ZNF366: variants seen among roughly 807,000 people sequenced by gnomAD.
ZNF366 encodes zinc finger protein 366.
Under a neutral mutation model 47.2 loss-of-function variants are expected in ZNF366, and 20 were observed. The ratio of observed to expected loss-of-function variants is 0.42; its 90% CI spans 0.30 to 0.62. The LOEUF is 0.62. ZNF366 is among the 20% of genes least tolerant of loss of function. The probability of loss-of-function intolerance (pLI) is 0.16; values close to 1 mark genes in which losing one functional copy is unlikely to be tolerated. For missense variants in ZNF366, 987 were observed against 976.3 expected (o/e 1.01, Z -0.15); for synonymous variants, 421 against 395.1 (o/e 1.07, Z -0.78).
chr5:72,456,248 G>A (rs927743806), intron 3 of ZNF366, among the ~76,000 whole-genome samples, 156 bp downstream of exon 3: 3 of 152,212 alleles, frequency 2.0e-5, no homozygotes, highest in African/African-American at 7.2e-5. Flanking sequence ...GGCGTGCAGA[G>A]AGGGATAGAG....
intron 4 of ZNF366, 96 bp from the exon 5 acceptor site, chr5:72,444,387 C>T (rs555040522): frequency 2.3e-5 from 31 of 1,319,202 alleles, no homozygotes; most frequent in Admixed American, 4.9e-5. Context: ...TAATGTATTC[C>T]GATGCGTATT....
chr5:72,461,746 G>T (rs1383488747), intron 1 of ZNF366, among the ~76,000 whole-genome samples: 1 of 152,140 alleles, frequency 6.6e-6, no homozygotes, highest in African/African-American at 2.4e-5. Context: ...AATCAAATTG[G>T]GCTCCAGTGT....
At chr5:72,470,575 G>A (rs1191154144) in intron 1 of ZNF366, among the ~76,000 whole-genome samples, 1 of 152,174 alleles carries the variant, frequency 6.6e-6, no homozygotes, top group Non-Finnish European at 1.5e-5. Context: ...TTCTAACATA[G>A]TTTGGTTAGA....
intron 2 of ZNF366, among the ~76,000 whole-genome samples, chr5:72,459,850 C>A (rs1393939771): frequency 1.3e-5 from 2 of 152,360 alleles, no homozygotes; most frequent in East Asian, 1.9e-4. Context: ...TTTCTAGAAA[C>A]CGAATCTGCA....
chr5:72,454,461 C>T (rs1159258596), intron 3 of ZNF366, among the ~76,000 whole-genome samples: 1 of 152,240 alleles, frequency 6.6e-6, no homozygotes, highest in Non-Finnish European at 1.5e-5. Flanking sequence ...ACACAACCTA[C>T]ACTGGCTTTG....
chr5:72,488,185 G>C (rs915175221), intron 1 of ZNF366, among the ~76,000 whole-genome samples: 2 of 151,392 alleles, frequency 1.3e-5, no homozygotes, highest in African/African-American at 4.9e-5. Context: ...TCCAGCCTGG[G>C]TAACGACAGA....
chr5:72,506,917 C>T (rs1229527036), intron 1 of ZNF366, among the ~76,000 whole-genome samples: 1 of 152,182 alleles, frequency 6.6e-6, no homozygotes. Context: ...GGACACAGTA[C>T]TGAGGAAGAG....
chr5:72,484,143 T>C (rs1384367437), intron 1 of ZNF366, among the ~76,000 whole-genome samples: 1 of 152,186 alleles, frequency 6.6e-6, no homozygotes, highest in Non-Finnish European at 1.5e-5. Context: ...ACATGGGTAA[T>C]TTTTCTTAAA....
chr5:72,441,053 C>T lies in ZNF366; in HGVS notation c.*2703G>A, dbSNP rs1441864181. ...GTGGGAGTTGAGAGCTTCTCCTCCC[C>T]TTACCACTCTTCAGAGGCCTAAAGA... On this transcript the variant is annotated 3_prime_UTR_variant, in exon 5 of 5. Coordinates refer to ENST00000318442, the MANE Select transcript of ZNF366 (RefSeq NM_152625.3). 1 of 152,166 alleles carries T rather than the reference C, an allele frequency of 6.6e-6. No individual in the cohort carries two copies. Among genetic ancestry groups the T allele is most frequent in the Admixed American group, 6.5e-5 (1 of 15,280 alleles). The allele number at this position is 152,166 out of a possible 1,614,324, so 9.4% of individuals were successfully genotyped here. A position where few individuals can be genotyped will look rare whatever the true frequency, so the allele number is the denominator to read the frequency against.
chr5:72,445,744 C>G (rs914363914), intron 4 of ZNF366, among the ~76,000 whole-genome samples: 1 of 152,202 alleles, frequency 6.6e-6, no homozygotes, highest in Non-Finnish European at 1.5e-5. Flanking sequence ...GATGACAGAG[C>G]AAACCTCACC....
intron 1 of ZNF366, among the ~76,000 whole-genome samples, chr5:72,500,240 C>T (rs562515026): frequency 5.3e-5 from 8 of 152,052 alleles, no homozygotes; most frequent in Non-Finnish European, 8.8e-5. Context: ...AAGAACTCTG[C>T]GGTGCCCTAA....
intron 3 of ZNF366, among the ~76,000 whole-genome samples, chr5:72,455,615 G>A (rs184438317): frequency 1.3e-5 from 2 of 152,226 alleles, no homozygotes; most frequent in Non-Finnish European, 2.9e-5. Flanking sequence ...GGTGGGGACA[G>A]CCTCGGGGAG....
chr5:72,458,077 C>T (rs907326733), intron 2 of ZNF366, among the ~76,000 whole-genome samples: 4 of 126,920 alleles, frequency 3.2e-5, no homozygotes, highest in South Asian at 2.6e-4. Flanking sequence ...AGTGCAGTGG[C>T]GTGGTCTCGG....
chr5:72,444,150 C>G lies in ZNF366; in HGVS notation c.1841G>C (p.Ser614Thr), dbSNP rs1484103091. Residue 614 changes from serine (S) to threonine (T), a missense_variant, in exon 5 of 5, where the codon AGC becomes ACC. Physicochemically the swap from Ser to Thr is moderately conservative, Grantham distance 58. Transcript: ENST00000318442. ...FQSDGESAQGSHCHEEEEEDN... is the reference protein window; with the variant it reads ...FQSDGESAQGTHCHEEEEEDN... ...CTCCTCTTCCTCCTCGTGGCAGTGG[C>G]TGCCCTGGGCACTCTCCCCGTCTGA... 1.2e-6 allele frequency: 2 copies of G among 1,613,612 alleles called. No individual in the cohort carries two copies. Among genetic ancestry groups the G allele is most frequent in the Non-Finnish European group, 1.7e-6 (2 of 1,180,046 alleles).
Position 72,485,401 on chromosome 5 carries a change from T to C in ZNF366, c.-15+21850A>G, listed in dbSNP as rs1287942269. ...GCTCTAGCTGTGTCCCTTCCTTCTT[T>C]ATTACCTCTTCCCAGTTCACTAATG... On this transcript the variant is annotated intron_variant, in intron 1 of 4. Transcript: ENST00000318442. Among the ~76,000 whole-genome samples the C allele has an allele frequency of 3.3e-5, 5 of 152,302 alleles. No individual in the cohort carries two copies. In the Middle Eastern group the frequency reaches 0.01, roughly 311 times the overall value.
In ZNF366 at chr5:72,507,272, C is replaced by A. The variant is rs1470219214; in HGVS notation, c.-36G>T. Reference sequence around the variant, plus strand: ...TTACCAGCTCCTGAGGTCTGAATGGCTGCAGCAGCCCCACTCCTTTACCTG... The same window carrying A: ...TTACCAGCTCCTGAGGTCTGAATGGATGCAGCAGCCCCACTCCTTTACCTG... On this transcript the variant is annotated 5_prime_UTR_variant, in exon 1 of 5. Coordinates refer to ENST00000318442, the MANE Select transcript of ZNF366 (RefSeq NM_152625.3). 3.1e-5 allele frequency: 31 copies of A among 985,416 alleles called. No homozygotes were observed. The highest frequency in any genetic ancestry group is 3.7e-5 in the Non-Finnish European group (31 of 830,046). The allele number at this position is 985,416 out of a possible 1,614,324, so 61.0% of individuals were successfully genotyped here.
chr5:72,478,702 G>A (rs1743724339), intron 1 of ZNF366, among the ~76,000 whole-genome samples: 1 of 152,232 alleles, frequency 6.6e-6, no homozygotes, highest in South Asian at 2.1e-4. Flanking sequence ...GCAAGATAGA[G>A]TAGGTGAAAG....
chr5:72,450,646 C>T (rs915132773), intron 3 of ZNF366, among the ~76,000 whole-genome samples: 2 of 152,166 alleles, frequency 1.3e-5, no homozygotes, highest in Non-Finnish European at 2.9e-5. Flanking sequence ...CCAATTAACA[C>T]AGGACCTGAG....
At chr5:72,481,632 T>C (rs1743792058) in intron 1 of ZNF366, among the ~76,000 whole-genome samples, 1 of 152,364 alleles carries the variant, frequency 6.6e-6, no homozygotes, top group Non-Finnish European at 1.5e-5. Flanking sequence ...TAATTTATAC[T>C]TATATTACTC....
Sources: gnomAD v4.1 joint callset for allele counts (sites outside exome capture counted in the v4.1 genomes callset) on GRCh38, gnomAD v4.1.1 for gene constraint, MANE v1.5 for transcripts, NCBI Gene and HGNC (gene_info 2026-07-23, HGNC 2026-07-21) for gene names.